Variants in TLK2 observed in about 807,000 individuals in gnomAD.
TLK2 encodes tousled like kinase 2, also known as serine/threonine-protein kinase tousled-like 2.
Under a neutral mutation model 117.3 loss-of-function variants are expected in TLK2, and 6 were observed. The ratio of observed to expected loss-of-function variants is 0.05; its 90% CI spans 0.03 to 0.10. The LOEUF is 0.10. Ranked by LOEUF, TLK2 falls within the 10% of genes least tolerant of loss-of-function variation. TLK2 has a pLI of 1.00. For missense variants in TLK2, 299 were observed against 901.2 expected, an observed-to-expected ratio of 0.33 and a Z score of 8.56; for synonymous variants, 257 against 316.7, an observed-to-expected ratio of 0.81 and a Z score of 2.00.
intron 10 of TLK2, among the ~76,000 whole-genome samples, chr17:62,564,667 C>T (rs2079597195): frequency 6.6e-6 from 1 of 151,670 alleles, no homozygotes; most frequent in Non-Finnish European, 1.5e-5. Context: ...GAGATCATGA[C>T]TCTGCACTCC....
chr17:62,519,874 TCTAGG>T (rs1256386837), intron 2 of TLK2, among the ~76,000 whole-genome samples: 1 of 152,174 alleles, frequency 6.6e-6, no homozygotes, highest in Non-Finnish European at 1.5e-5. Context: ...CAGTCTACAG[TCTAGG>T]CTGTATCTTC....
chr17:62,574,289 G>T, intron 12 of TLK2: 1 of 1,532,552 alleles, frequency 6.5e-7, no homozygotes, highest in Non-Finnish European at 8.7e-7. Context: ...GTTTTGGGAA[G>T]TCTCTTCCTT....
Position 62,576,784 on chromosome 17 carries a change from A to G in TLK2, c.1188+9A>G, listed in dbSNP as rs2080819271. The G allele has an allele frequency of 6.3e-7, 1 of 1,599,972 alleles. No individual in the cohort carries two copies. The highest frequency in any genetic ancestry group is 8.6e-7 in the Non-Finnish European group (1 of 1,168,730). On this transcript the variant is annotated intron_variant, in intron 13 of 21. Coordinates refer to ENST00000346027, the MANE Select transcript of TLK2 (RefSeq NM_006852.6). Reference sequence around the variant, plus strand: ...TAGGTCATCTTAAAAAGGTAAGTATAATGAGAAAATCTCCCTGGAGAAATG... The same window carrying G: ...TAGGTCATCTTAAAAAGGTAAGTATGATGAGAAAATCTCCCTGGAGAAATG...
chr17:62,597,651 A>G (rs2147119500), intron 17 of TLK2, among the ~76,000 whole-genome samples: 1 of 152,354 alleles, frequency 6.6e-6, no homozygotes, highest in South Asian at 2.1e-4. Flanking sequence ...ATGTTGAAAT[A>G]CAGGCTCATA....
At chr17:62,518,071 G>T (rs2075756010) in intron 2 of TLK2, among the ~76,000 whole-genome samples, 1 of 152,144 alleles carries the variant, frequency 6.6e-6, no homozygotes, top group Non-Finnish European at 1.5e-5. Context: ...TGTCCGTTTG[G>T]GGTTTTAGCC....
In TLK2 at chr17:62,512,838, T is replaced by G. The variant is rs527521887; in HGVS notation, c.82-7935T>G. On this transcript the variant is annotated intron_variant, in intron 2 of 21. Coordinates refer to ENST00000346027, the MANE Select transcript of TLK2 (RefSeq NM_006852.6). ...ATTTAAGTTCTTGATCTATTTTGTT[T>G]TTTTCTCTTTTAAAAATTTATTAAT... 2.7e-5 allele frequency among the ~76,000 whole-genome samples: 4 copies of G among 146,052 alleles called. No homozygotes were observed. In the East Asian group the frequency reaches 6.0e-4, roughly 22 times the overall value.
intron 2 of TLK2, among the ~76,000 whole-genome samples, chr17:62,491,587 A>G (rs1458524856): frequency 6.6e-6 from 1 of 151,854 alleles, no homozygotes; most frequent in African/African-American, 2.4e-5. Flanking sequence ...AGTACTTCAT[A>G]TATTTATTTA....
chr17:62,551,958 A>C (rs2146198819), intron 7 of TLK2: 1 of 336,166 alleles, frequency 3.0e-6, no homozygotes, highest in Non-Finnish European at 5.7e-6. Context: ...ATGCTTCACT[A>C]GCCTTTTCTG....
At chr17:62,569,951 C>T (rs1414722174) in intron 11 of TLK2, among the ~76,000 whole-genome samples, 1 of 152,118 alleles carries the variant, frequency 6.6e-6, no homozygotes, top group Non-Finnish European at 1.5e-5. Flanking sequence ...CTTTAGGGAA[C>T]ATCTTTCTTT....
chr17:62,599,487 A>C (rs755661055), intron 17 of TLK2, among the ~76,000 whole-genome samples: 2 of 151,988 alleles, frequency 1.3e-5, no homozygotes, highest in Non-Finnish European at 2.9e-5. Flanking sequence ...CCATGTGTCC[A>C]TTGGTGTTCT....
intron 3 of TLK2, among the ~76,000 whole-genome samples, chr17:62,521,870 A>C (rs1195770375): frequency 6.6e-6 from 1 of 152,200 alleles, no homozygotes; most frequent in Non-Finnish European, 1.5e-5. Flanking sequence ...GTAGTGTAAC[A>C]ACAGTTTTCT....
intron 2 of TLK2, among the ~76,000 whole-genome samples, chr17:62,497,600 GT>G (rs2073824537): frequency 6.6e-6 from 1 of 152,208 alleles, no homozygotes; most frequent in African/African-American, 2.4e-5. Context: ...GCTTTAGATA[GT>G]TTGTGGTAAG....
intron 5 of TLK2, among the ~76,000 whole-genome samples, chr17:62,523,983 A>G (rs1309165611): frequency 1.3e-5 from 2 of 152,088 alleles, no homozygotes; most frequent in East Asian, 3.9e-4. Flanking sequence ...GTCCTTTCAA[A>G]ATCATGTATA....
chr17:62,546,680 C>T (rs1456757100), intron 7 of TLK2, among the ~76,000 whole-genome samples: 2 of 151,182 alleles, frequency 1.3e-5, no homozygotes, highest in African/African-American at 2.4e-5. Context: ...CTCAGCCTCC[C>T]GAGTAATTGG....
intron 1 of TLK2, among the ~76,000 whole-genome samples, chr17:62,473,524 T>C (rs2070981015): frequency 6.6e-6 from 1 of 152,176 alleles, no homozygotes; most frequent in Non-Finnish European, 1.5e-5. Flanking sequence ...TTCCAGACCA[T>C]CATCAACCAG....
rs1568033074 is a variant in TLK2, at chr17:62,614,193, C to CT, written c.*1634dup. The CT allele has an allele frequency of 6.8e-6, 1 of 146,634 alleles. No homozygotes were observed. Among genetic ancestry groups the CT allele is most frequent in the Non-Finnish European group, 1.5e-5 (1 of 66,472 alleles). The allele number at this position is 146,634 out of a possible 1,614,324, so 9.1% of individuals were successfully genotyped here. A position where few individuals can be genotyped will look rare whatever the true frequency, so the allele number is the denominator to read the frequency against. On this transcript the variant is annotated 3_prime_UTR_variant, in exon 22 of 22. Transcript: ENST00000346027. ...TGAACATTCTTTTGGCACCAATTTT[C>CT]TTTTTTAATTTGGTTGTTTCTGAGA...
At chr17:62,520,241 T>C (rs2075940578) in intron 2 of TLK2, among the ~76,000 whole-genome samples, 1 of 152,094 alleles carries the variant, frequency 6.6e-6, no homozygotes, top group African/African-American at 2.4e-5. Flanking sequence ...GTCATGCCTA[T>C]GAAAGAGCCC....
At chr17:62,523,336 T>G (rs1273790803) in intron 5 of TLK2, among the ~76,000 whole-genome samples, 159 bp downstream of exon 5, 2 of 152,104 alleles carry the variant, frequency 1.3e-5, no homozygotes, top group Admixed American at 1.3e-4. Context: ...CCCAGCACTT[T>G]GGGAGGCCAA....
At chr17:62,559,897 C>A (rs146385050) in intron 9 of TLK2, 119 bp from the exon 10 acceptor site, 90,123 of 584,998 alleles carry the variant, frequency 0.15, 7,919 homozygotes, top group Non-Finnish European at 0.18. Context: ...CCTGTTTGAA[C>A]TTTAATTTTG....
Sources: allele counts gnomAD v4.1 joint callset (sites outside exome capture counted in the v4.1 genomes callset), GRCh38; gene constraint gnomAD v4.1.1; transcripts MANE v1.5; gene names NCBI Gene and HGNC (gene_info 2026-07-23, HGNC 2026-07-21).